SNTG2: variants seen among roughly 807,000 people sequenced by gnomAD.
The protein encoded by SNTG2 is syntrophin gamma 2.
In SNTG2, 74 loss-of-function variants were observed where a neutral mutation model predicts 70.9. The observed-to-expected ratio is 1.04, with a 90% CI of 0.86 to 1.27. The LOEUF is 1.27. Ranked by LOEUF, SNTG2 falls within the 50% of genes most tolerant of loss-of-function variation. The pLI, the probability that SNTG2 is intolerant of heterozygous loss-of-function variation, is 0.00. For synonymous variants in SNTG2, 278 were observed against 273.8 expected, an observed-to-expected ratio of 1.02 and a Z score of -0.15; for missense variants, 717 against 690.7, an observed-to-expected ratio of 1.04 and a Z score of -0.43.
rs778660389 is a variant in SNTG2 at position 1,165,612 on chromosome 2, C to T, written c.476C>T (p.Pro159Leu). 70 of 1,612,102 alleles carry T rather than the reference C, an allele frequency of 4.3e-5. No homozygotes were observed. In the African/African-American group the frequency reaches 5.6e-4, roughly 13 times the overall value. The change falls in exon 7 of 17, where the codon CCG (proline) becomes CTG (leucine). Residue 159 changes from proline to leucine, a missense_variant. Coordinates refer to ENST00000308624, the MANE Select transcript of SNTG2 (RefSeq NM_018968.4). ...ACCGTTGAGTATCTCAGGGAAGCGC[C>T]GGCATTTCTGAAGCTCCCGTTAGGT... ...TITVEYLREA[P>L]AFLKLPLGSP...
chr2:1,056,129 C>A (rs1326917953), intron 1 of SNTG2, among the ~76,000 whole-genome samples: 3 of 151,886 alleles, frequency 2.0e-5, no homozygotes, highest in Admixed American at 2.0e-4. Flanking sequence ...TCCACACCAC[C>A]AAGAGCACGG....
chr2:1,122,244 G>A (rs544942755), intron 4 of SNTG2, among the ~76,000 whole-genome samples: 11 of 152,206 alleles, frequency 7.2e-5, no homozygotes, highest in Non-Finnish European at 1.3e-4. Context: ...GAATAATTAT[G>A]TATACATTTT....
chr2:1,226,706 G>T (rs573695324), intron 9 of SNTG2, among the ~76,000 whole-genome samples: 2 of 152,108 alleles, frequency 1.3e-5, no homozygotes, highest in Non-Finnish European at 2.9e-5. Context: ...AGGTAAAACC[G>T]CAAGTCTCTT....
intron 8 of SNTG2, among the ~76,000 whole-genome samples, chr2:1,194,776 G>A (rs1205447161): frequency 2.0e-5 from 3 of 152,036 alleles, no homozygotes; most frequent in Admixed American, 6.5e-5. Flanking sequence ...TGTGCAGAAC[G>A]TGCAGTTTTG....
At chr2:1,197,479 A>ATATATATGTGTGTG (rs1672981868) in intron 8 of SNTG2, among the ~76,000 whole-genome samples, 1 of 139,694 alleles carries the variant, frequency 7.2e-6, no homozygotes, top group Non-Finnish European at 1.5e-5. Context: ...ATATGTGTAT[A>ATATATATGTGTGTG]TATATATGTG....
At chr2:969,674 G>A (rs1376650184) in intron 1 of SNTG2, among the ~76,000 whole-genome samples, 1 of 152,122 alleles carries the variant, frequency 6.6e-6, no homozygotes, top group Non-Finnish European at 1.5e-5. Flanking sequence ...GGAAGTTATT[G>A]GTGTTTAGAA....
chr2:1,324,961 A>T (rs1360216870), intron 16 of SNTG2, among the ~76,000 whole-genome samples: 2 of 152,232 alleles, frequency 1.3e-5, no homozygotes, highest in African/African-American at 4.8e-5. Context: ...AAATATCTTT[A>T]GGTTCCTAGG....
chr2:1,128,453 T>C (rs1667835390), intron 4 of SNTG2, among the ~76,000 whole-genome samples: 1 of 152,212 alleles, frequency 6.6e-6, no homozygotes, highest in Admixed American at 6.5e-5. Context: ...GTTTTCTTCT[T>C]TCAACAGGCT....
chr2:1,211,921 G>T (rs1249591562), intron 9 of SNTG2, among the ~76,000 whole-genome samples: 1 of 152,080 alleles, frequency 6.6e-6, no homozygotes, highest in Non-Finnish European at 1.5e-5. Flanking sequence ...GTTATTCTTG[G>T]TGACAAAATA....
At chr2:1,179,188 C>T (rs1301362756) in intron 8 of SNTG2, among the ~76,000 whole-genome samples, 7 of 152,084 alleles carry the variant, frequency 4.6e-5, no homozygotes, top group African/African-American at 1.7e-4. Context: ...TTTGATTCTT[C>T]TCTCTTTTCT....
In SNTG2 at chr2:1,097,290, C is replaced by T. The variant is rs979740943; in HGVS notation, c.211-906C>T. Reference sequence around the variant, plus strand: ...GGGAGCTCCCAGGTCCCCCCTTCGGCGTGGGCTCTGCCACCCTTTTACTTC... The same window carrying T: ...GGGAGCTCCCAGGTCCCCCCTTCGGTGTGGGCTCTGCCACCCTTTTACTTC... On this transcript the variant is annotated intron_variant, in intron 2 of 16. Transcript: ENST00000308624. This position sits in a 1 kb window ranked among gnomAD's most constrained non-coding sequence, Gnocchi z 4.1. Among the ~76,000 whole-genome samples the T allele has an allele frequency of 4.6e-5, 7 of 152,218 alleles. No individual in the cohort carries two copies. The East Asian group carries it at 7.7e-4, about 17-fold the overall frequency.
chr2:1,177,029 G>A (rs1326214541), intron 8 of SNTG2, among the ~76,000 whole-genome samples: 1 of 152,178 alleles, frequency 6.6e-6, no homozygotes, highest in Non-Finnish European at 1.5e-5. Context: ...ATACATGCAT[G>A]TGTATATTAA....
intron 15 of SNTG2, among the ~76,000 whole-genome samples, chr2:1,310,507 G>A (rs186977529): frequency 3.9e-5 from 6 of 152,290 alleles, no homozygotes; most frequent in Admixed American, 6.5e-5. Context: ...CCTGAGCCCC[G>A]TACCTGCAGG....
In SNTG2 at chr2:1,234,987, C is replaced by T. The variant is rs540933230; in HGVS notation, c.720-2901C>T. Among the ~76,000 whole-genome samples the T allele has an allele frequency of 4.6e-5, 7 of 152,374 alleles. No homozygotes were observed. In the East Asian group the frequency reaches 1.2e-3, roughly 25 times the overall value. On this transcript the variant is annotated intron_variant, in intron 9 of 16. Coordinates refer to ENST00000308624, the MANE Select transcript of SNTG2 (RefSeq NM_018968.4). ...AACCCTGAGAATCAGGAAATGCCAA[C>T]TCCCTGAGAAGACACTGTCGTTAGT...
At chr2:961,949 A>T (rs970601113) in intron 1 of SNTG2, among the ~76,000 whole-genome samples, 1 of 152,268 alleles carries the variant, frequency 6.6e-6, no homozygotes. Context: ...TTAGAACAGC[A>T]GTACTTCTTC....
At chr2:1,239,901 A>G in intron 11 of SNTG2, 125 bp downstream of exon 11, 1 of 1,174,326 alleles carries the variant, frequency 8.5e-7, no homozygotes, top group East Asian at 2.5e-5. Flanking sequence ...GAAAATGTTG[A>G]TAGGAAAACA....
chr2:1,279,710 T>G (rs1032326919), intron 14 of SNTG2, among the ~76,000 whole-genome samples: 2 of 152,240 alleles, frequency 1.3e-5, no homozygotes, highest in African/African-American at 4.8e-5. Flanking sequence ...GTAGGTGCTT[T>G]TCTCCAGCGG....
chr2:1,034,686 G>T (rs1210415571), intron 1 of SNTG2, among the ~76,000 whole-genome samples: 1 of 152,082 alleles, frequency 6.6e-6, no homozygotes, highest in Non-Finnish European at 1.5e-5. Flanking sequence ...TTGTGATTTT[G>T]ATTTGCATTT....
At chr2:1,320,277 G>A (rs1681458770) in intron 16 of SNTG2, among the ~76,000 whole-genome samples, 1 of 152,046 alleles carries the variant, frequency 6.6e-6, no homozygotes, top group South Asian at 2.1e-4. Flanking sequence ...GCTCATGCCT[G>A]TAATCTCAGC....
Sources: allele counts gnomAD v4.1 joint callset (sites outside exome capture counted in the v4.1 genomes callset), GRCh38; gene constraint gnomAD v4.1.1; non-coding constraint Gnocchi (gnomAD v3.1); transcripts MANE v1.5; gene names NCBI Gene and HGNC (gene_info 2026-07-23, HGNC 2026-07-21).